Variants in ZFYVE26 observed in about 807,000 individuals in gnomAD.
ZFYVE26 encodes zinc finger FYVE-type containing 26, also known as zinc finger FYVE domain-containing protein 26.
A neutral mutation model predicts 276.5 loss-of-function variants in ZFYVE26; 181 were observed. That is an observed-to-expected ratio of 0.65 (90% CI 0.58 to 0.74). The LOEUF (loss-of-function observed/expected upper bound fraction) is 0.74, where lower values mean the gene tolerates loss of function less well. ZFYVE26 is among the 30% of genes least tolerant of loss of function. The pLI, the probability that ZFYVE26 is intolerant of heterozygous loss-of-function variation, is 0.00. For missense variants in ZFYVE26, 2,821 were observed against 3,097.9 expected (o/e 0.91, Z 2.12); for synonymous variants, 1,129 against 1,203.1 (o/e 0.94, Z 1.27).
chr14:67,734,558 T>C (rs1202141949), intron 13 of ZFYVE26: 4 of 155,586 alleles, frequency 2.6e-5, no homozygotes, highest in East Asian at 1.9e-4. Flanking sequence ...GCCACGGGAA[T>C]TGGGAATAGC....
intron 16 of ZFYVE26, among the ~76,000 whole-genome samples, chr14:67,787,240 G>T (rs2140229622): frequency 6.6e-6 from 1 of 152,134 alleles, no homozygotes; most frequent in East Asian, 1.9e-4. Context: ...GCTACTGCGG[G>T]GTTGTGGGGG....
Position 67,755,300 on chromosome 14 carries a change from G to A in ZFYVE26, c.6787-50C>T, listed in dbSNP as rs150827204. 7.4e-4 allele frequency: 1,189 copies of A among 1,601,458 alleles called. 1 individual carries two copies. The highest frequency in any genetic ancestry group is 2.0e-3 in the Middle Eastern group (12 of 6,038). On this transcript the variant is annotated intron_variant, in intron 36 of 41. Transcript: ENST00000347230. Reference sequence around the variant, plus strand: ...GGTCAAAGTAGATCAGGGGTTTGGAGGGTGGGGTGTGATGAGAATTCTCAT... The same window carrying A: ...GGTCAAAGTAGATCAGGGGTTTGGAAGGTGGGGTGTGATGAGAATTCTCAT...
At chr14:67,769,168 C>T (rs1455981159) in intron 29 of ZFYVE26, among the ~76,000 whole-genome samples, 1 of 152,144 alleles carries the variant, frequency 6.6e-6, no homozygotes, top group Non-Finnish European at 1.5e-5. Flanking sequence ...TTACGGATTA[C>T]AAGCAAGAAT....
chr14:67,791,039 G>A (rs1726271496), intron 14 of ZFYVE26, among the ~76,000 whole-genome samples: 1 of 152,154 alleles, frequency 6.6e-6, no homozygotes, highest in African/African-American at 2.4e-5. Flanking sequence ...ATATAAATGA[G>A]AAAATATTTT....
intron 13 of ZFYVE26, among the ~76,000 whole-genome samples, chr14:67,738,912 T>TA (rs1470566844): frequency 3.3e-5 from 5 of 152,346 alleles, no homozygotes; most frequent in African/African-American, 1.2e-4. Flanking sequence ...TTTAAATATT[T>TA]AAGATGCCAA....
chr14:67,799,353 A>G, intron 10 of ZFYVE26: 1 of 1,610,862 alleles, frequency 6.2e-7, no homozygotes, highest in African/African-American at 1.3e-5. Context: ...CAATCCTATA[A>G]GGCCTTTGTC....
rs1289646974 is a variant in ZFYVE26, at chr14:67,777,637, G to C, written c.4896C>G (p.Asn1632Lys). The change falls in exon 25 of 42, where the codon AAC becomes AAG. Residue 1632 changes from asparagine (N) to lysine (K), a missense_variant. Physicochemically the swap from Asn to Lys is moderately conservative, Grantham distance 94. Coordinates refer to ENST00000347230, the MANE Select transcript of ZFYVE26 (RefSeq NM_015346.4). ...GTCCATAGAAGTGGGTGGTGAGGTA[G>C]TTGGCCAAGAAGTGAGAAGTGGCCA... Reference protein sequence around the residue: ...TSLATSHFLANYLTTHFYGQL... With the variant: ...TSLATSHFLAKYLTTHFYGQL... 1.9e-6 allele frequency: 3 copies of C among 1,614,074 alleles called. No homozygotes were observed. Among genetic ancestry groups the C allele is most frequent in the Admixed American group, 1.7e-5 (1 of 60,008 alleles).
chr14:67,800,924 TATAAATAA>T (rs148005245), intron 10 of ZFYVE26, among the ~76,000 whole-genome samples: 38 of 148,726 alleles, frequency 2.6e-4, no homozygotes, highest in Non-Finnish European at 3.9e-4. Context: ...AAAGTTACCG[TATAAATAA>T]ATAAATAAAT....
intron 3 of ZFYVE26, 138 bp from the exon 4 acceptor site, chr14:67,809,427 T>TAC: frequency 1.6e-6 from 1 of 631,558 alleles, no homozygotes; most frequent in South Asian, 2.1e-5. Flanking sequence ...TTTTTTTTTT[T>TAC]TTTTTTTTAT....
chr14:67,778,347 T>G (rs920185463), intron 23 of ZFYVE26, 99 bp from the exon 24 acceptor site: 16 of 1,464,636 alleles, frequency 1.1e-5, no homozygotes, highest in Non-Finnish European at 1.3e-5. Context: ...TTATAAGTGC[T>G]GATGGGAACT....
intron 40 of ZFYVE26, 97 bp downstream of exon 40, chr14:67,752,247 G>A: frequency 7.0e-7 from 1 of 1,422,456 alleles, no homozygotes. Flanking sequence ...GGATCTTGTA[G>A]AGTTTCAGGC....
intron 24 of ZFYVE26, 107 bp from the exon 25 acceptor site, chr14:67,777,842 C>T (rs1326343690): frequency 2.1e-6 from 3 of 1,427,532 alleles, no homozygotes; most frequent in African/African-American, 1.4e-5. Flanking sequence ...TTTGGACTAA[C>T]CCTTTCTCTA....
At chr14:67,781,282 G>T in intron 22 of ZFYVE26, 51 bp downstream of exon 22, 1 of 1,597,118 alleles carries the variant, frequency 6.3e-7, no homozygotes, top group South Asian at 1.1e-5. Flanking sequence ...GGTTGGGGTT[G>T]ATCATAGAGT....
In ZFYVE26 at chr14:67,814,807, G is replaced by A. The variant is rs547075443; in HGVS notation, c.195-743C>T. ...TTTCTTTGAAGTTAGGAATTTAGAC[G>A]GTAACTGGCTAGATCTCAAATTAAA... On this transcript the variant is annotated intron_variant, in intron 2 of 41. Coordinates refer to ENST00000347230, the MANE Select transcript of ZFYVE26 (RefSeq NM_015346.4). Among the ~76,000 whole-genome samples the A allele has an allele frequency of 3.3e-5, 5 of 152,138 alleles. No homozygotes were observed. The East Asian group carries it at 5.8e-4, about 18-fold the overall frequency.
At chr14:67,780,691 T>C (rs2039475518) in intron 22 of ZFYVE26, among the ~76,000 whole-genome samples, 1 of 152,210 alleles carries the variant, frequency 6.6e-6, no homozygotes, top group Non-Finnish European at 1.5e-5. Flanking sequence ...TTGAATGCTC[T>C]GTGGGATCAC....
At chr14:67,765,712 A>C (rs2039037717) in intron 32 of ZFYVE26, among the ~76,000 whole-genome samples, 1 of 152,178 alleles carries the variant, frequency 6.6e-6, no homozygotes, top group African/African-American at 2.4e-5. Context: ...ACACACTTCT[A>C]CTTTATGACC....
At chr14:67,800,982 G>T (rs1470164011) in intron 10 of ZFYVE26, among the ~76,000 whole-genome samples, 2 of 151,770 alleles carry the variant, frequency 1.3e-5, no homozygotes, top group Non-Finnish European at 2.9e-5. Context: ...GCCATGGGCA[G>T]TGGCTCATGC....
At chr14:67,730,835 G>A (rs368894343) in intron 13 of ZFYVE26, among the ~76,000 whole-genome samples, 20 of 152,136 alleles carry the variant, frequency 1.3e-4, no homozygotes, top group African/African-American at 3.9e-4. Context: ...AACTCCTGAC[G>A]TCAGTTGATC....
chr14:67,814,091 T>TA (rs781518664), intron 2 of ZFYVE26, 27 bp from the exon 3 acceptor site: 13 of 1,565,858 alleles, frequency 8.3e-6, no homozygotes, highest in Non-Finnish European at 1.1e-5. Flanking sequence ...GAAAGACTTG[T>TA]AAAAAAGAGT....
Sources: allele counts gnomAD v4.1 joint callset (sites outside exome capture counted in the v4.1 genomes callset), GRCh38; gene constraint gnomAD v4.1.1; transcripts MANE v1.5; gene names NCBI Gene and HGNC (gene_info 2026-07-23, HGNC 2026-07-21).